Variants in TP63 observed in about 807,000 individuals in gnomAD.
The protein encoded by TP63 is tumor protein 63.
TP63 carries 17 observed loss-of-function variants against 82.8 expected under a neutral mutation model. The observed-to-expected ratio is 0.21, with a 90% CI of 0.14 to 0.31. TP63 has a LOEUF of 0.31. Ranked by LOEUF, TP63 falls within the 10% of genes least tolerant of loss-of-function variation. The pLI is 1.00. For missense variants in TP63, 648 were observed against 895.3 expected, an observed-to-expected ratio of 0.72 and a Z score of 3.52; for synonymous variants, 330 against 321.7, an observed-to-expected ratio of 1.03 and a Z score of -0.28.
At chr3:189,860,423 GT>G (rs946889419) in intron 4 of TP63, among the ~76,000 whole-genome samples, 1 of 152,140 alleles carries the variant, frequency 6.6e-6, no homozygotes, top group African/African-American at 2.4e-5. Flanking sequence ...CTAAGGACTT[GT>G]TTATACACAT....
At chr3:189,840,359 C>CTTTTTTTTTTTT in intron 4 of TP63, among the ~76,000 whole-genome samples, 2 of 44,444 alleles carry the variant, frequency 4.5e-5, no homozygotes, top group Admixed American at 2.6e-4. Context: ...TGCTTTTCGT[C>CTTTTTTTTTTTT]TTTTTTTTTT....
chr3:189,780,296 A>G (rs1375475145), intron 3 of TP63, among the ~76,000 whole-genome samples: 2 of 152,184 alleles, frequency 1.3e-5, no homozygotes, highest in Non-Finnish European at 2.9e-5. Context: ...TTAAGCTCTT[A>G]TTACCCAGCC....
At chr3:189,836,284 A>G (rs1713138844) in intron 4 of TP63, among the ~76,000 whole-genome samples, 2 of 152,160 alleles carry the variant, frequency 1.3e-5, no homozygotes, top group African/African-American at 4.8e-5. Flanking sequence ...GGCAAACAAT[A>G]TGAAACTGAA....
the TP63 span, among the ~76,000 whole-genome samples, chr3:189,622,756 G>A: frequency 6.6e-6 from 1 of 152,142 alleles, no homozygotes; most frequent in Non-Finnish European, 1.5e-5. Flanking sequence ...TTATTTCATC[G>A]TGTGATTGTA....
chr3:189,643,129 G>C (rs1031107907), intron 1 of TP63, among the ~76,000 whole-genome samples: 1 of 152,098 alleles, frequency 6.6e-6, no homozygotes, highest in South Asian at 2.1e-4. Flanking sequence ...AGCCTCCCAA[G>C]TAGCTGGGAT....
chr3:189,721,360 A>G (rs1719378362), intron 1 of TP63, among the ~76,000 whole-genome samples: 1 of 152,218 alleles, frequency 6.6e-6, no homozygotes, highest in Admixed American at 6.5e-5. Flanking sequence ...TAGTAATACA[A>G]TAACCTTCTA....
At position 189,869,324 on chromosome 3, in the gene TP63, C is replaced by T. The variant is rs148052765; in HGVS notation, c.1130C>T (p.Pro377Leu). The T allele has an allele frequency of 4.9e-5, 79 of 1,613,886 alleles. No individual in the cohort carries two copies. The highest frequency in any genetic ancestry group is 6.4e-5 in the Non-Finnish European group (75 of 1,179,940). ...GAAACTTGCATTTTTCCTCCACCAG[C>T]GTTTCGTCAGAACACACATGGTATC... ...STKNGDGTKR[P>L]FRQNTHGIQM... The change falls in exon 9 of 14, where the codon CCG (proline) becomes CTG (leucine). Residue 377 changes from proline to leucine, a missense_variant and splice_region_variant. Transcript: ENST00000264731.
chr3:189,662,688 T>C (rs975661498), intron 1 of TP63, among the ~76,000 whole-genome samples: 6 of 152,024 alleles, frequency 3.9e-5, no homozygotes, highest in African/African-American at 1.4e-4. Context: ...ATTCCTTAAA[T>C]AGGCTGATTG....
chr3:189,789,146 C>T (rs1724869768), intron 3 of TP63, among the ~76,000 whole-genome samples: 1 of 151,986 alleles, frequency 6.6e-6, no homozygotes, highest in African/African-American at 2.4e-5. Context: ...GTTAAAAACT[C>T]TTTAGCTATC....
chr3:189,765,743 AT>A (rs1052765321), intron 3 of TP63, among the ~76,000 whole-genome samples: 2 of 151,948 alleles, frequency 1.3e-5, no homozygotes, highest in Non-Finnish European at 2.9e-5. Flanking sequence ...TGTCCTCTGC[AT>A]TTTTAAAGGA....
chr3:189,765,393 G>A (rs996854915), intron 3 of TP63, among the ~76,000 whole-genome samples: 4 of 142,752 alleles, frequency 2.8e-5, no homozygotes, highest in Non-Finnish European at 6.0e-5. Flanking sequence ...AGGAAAATTG[G>A]GGTTTTCAAT....
At chr3:189,684,513 T>G (rs149902544) in intron 1 of TP63, among the ~76,000 whole-genome samples, 1 of 152,302 alleles carries the variant, frequency 6.6e-6, no homozygotes, top group African/African-American at 2.4e-5. Flanking sequence ...TAGTTTAGTG[T>G]ACCTGAAGGT....
intron 3 of TP63, among the ~76,000 whole-genome samples, chr3:189,803,077 T>C (rs952436383): frequency 2.6e-5 from 4 of 152,164 alleles, no homozygotes; most frequent in African/African-American, 7.2e-5. Flanking sequence ...GGCAGGTGGA[T>C]CACCTGAGGT....
At chr3:189,621,036 A>G in the TP63 span, among the ~76,000 whole-genome samples, 2 of 152,176 alleles carry the variant, frequency 1.3e-5, no homozygotes, top group Admixed American at 6.5e-5. Flanking sequence ...CATCTAAGAC[A>G]CTTTCTTTCA....
intron 1 of TP63, among the ~76,000 whole-genome samples, chr3:189,724,387 T>C (rs761999790): frequency 3.3e-5 from 5 of 152,154 alleles, no homozygotes; most frequent in African/African-American, 4.8e-5. Context: ...ATAAGTAAGT[T>C]TTTTAGAGGT....
upstream of TP63, among the ~76,000 whole-genome samples, chr3:189,626,710 G>T (rs1229827861): frequency 2.0e-5 from 3 of 152,168 alleles, no homozygotes; most frequent in Non-Finnish European, 4.4e-5. Flanking sequence ...TTGGGAATTT[G>T]AATCTTAAGC....
chr3:189,621,362 T>G, the TP63 span, among the ~76,000 whole-genome samples: 13 of 152,156 alleles, frequency 8.5e-5, no homozygotes, highest in Non-Finnish European at 1.0e-4. Context: ...TTTTTTACCT[T>G]GATTATGTAG....
At chr3:189,663,105 G>A (rs561229978) in intron 1 of TP63, among the ~76,000 whole-genome samples, 2 of 152,186 alleles carry the variant, frequency 1.3e-5, no homozygotes, top group African/African-American at 4.8e-5. Flanking sequence ...AAGTGGTTAA[G>A]ATCCTCCGGT....
At chr3:189,884,890 A>G (rs1720278790) in intron 10 of TP63, among the ~76,000 whole-genome samples, 2 of 152,196 alleles carry the variant, frequency 1.3e-5, no homozygotes, top group South Asian at 4.1e-4. Flanking sequence ...TCATGTAATT[A>G]TGGAGAGAAT....
Sources: gnomAD v4.1 joint callset for allele counts (sites outside exome capture counted in the v4.1 genomes callset) on GRCh38, gnomAD v4.1.1 for gene constraint, MANE v1.5 for transcripts, NCBI Gene and HGNC (gene_info 2026-07-23, HGNC 2026-07-21) for gene names.